Variants in OSBPL5 observed in about 807,000 individuals in gnomAD.
OSBPL5 encodes the protein oxysterol-binding protein-related protein 5.
In OSBPL5, 71 loss-of-function variants were observed where a neutral mutation model predicts 111.2. That is an observed-to-expected ratio of 0.64 (90% CI 0.53 to 0.78). OSBPL5 has a LOEUF of 0.78. Ranked by LOEUF, OSBPL5 falls within the 30% of genes least tolerant of loss-of-function variation. The probability of loss-of-function intolerance (pLI) is 0.00; values close to 1 mark genes in which losing one functional copy is unlikely to be tolerated. For missense variants in OSBPL5, 1,210 were observed against 1,189.3 expected (o/e 1.02, Z -0.26); for synonymous variants, 549 against 513.9 (o/e 1.07, Z -0.93).
At chr11:3,120,139 C>A (rs551704334) in intron 6 of OSBPL5, among the ~76,000 whole-genome samples, 112 of 152,314 alleles carry the variant, frequency 7.4e-4, no homozygotes, top group African/African-American at 2.6e-3. Context: ...TCCTCGGCCA[C>A]CCCTGGGGAG....
intron 1 of OSBPL5, among the ~76,000 whole-genome samples, chr11:3,135,232 C>T (rs533559484): frequency 4.6e-5 from 7 of 152,362 alleles, no homozygotes; most frequent in Admixed American, 3.3e-4. Context: ...GCCGTGCTTC[C>T]GCCAAGGGGA....
At chr11:3,099,898 G>A (rs908225692) in intron 14 of OSBPL5, among the ~76,000 whole-genome samples, 3 of 151,640 alleles carry the variant, frequency 2.0e-5, no homozygotes, top group African/African-American at 4.8e-5. Context: ...GTGAAACCCT[G>A]TCTCTACTAA....
At chr11:3,112,133 G>GTGTGTGTGCATGTGTGTGTGCGCGCGCA (rs1858016985) in intron 7 of OSBPL5, among the ~76,000 whole-genome samples, 1 of 123,516 alleles carries the variant, frequency 8.1e-6, no homozygotes, top group African/African-American at 3.2e-5. Flanking sequence ...GTGCGCATAT[G>GTGTGTGTGCATGTGTGTGTGCGCGCGCA]TGTGTGTTTG....
intron 3 of OSBPL5, among the ~76,000 whole-genome samples, chr11:3,125,086 G>A (rs1289498607): frequency 2.0e-5 from 3 of 152,022 alleles, no homozygotes; most frequent in African/African-American, 7.2e-5. Flanking sequence ...TGGGTACCCC[G>A]TCCAGGCATG....
intron 1 of OSBPL5, among the ~76,000 whole-genome samples, chr11:3,143,738 G>T (rs12288069): frequency 0.031 from 4,764 of 152,318 alleles, 114 homozygotes; most frequent in East Asian, 0.07. Context: ...TGGGGAAAGA[G>T]CATGGGCTTT....
chr11:3,093,559 C>A lies in OSBPL5; in HGVS notation c.1914G>T (p.Pro638=). 2 of 1,611,350 alleles carry A rather than the reference C, an allele frequency of 1.2e-6. No individual in the cohort carries two copies. Among genetic ancestry groups the A allele is most frequent in the East Asian group, 2.2e-5 (1 of 44,866 alleles). The change falls in exon 17 of 22, where the codon CCG becomes CCT. Residue 638 remains proline (P), a synonymous_variant. Coordinates refer to ENST00000263650, the MANE Select transcript of OSBPL5 (RefSeq NM_020896.4). The part of the protein sequence containing the change: ...RRQRLRQHTV[P]LEEQTELESE... The stretch of plus-strand genomic sequence containing the variant: ...ACTCCAGCTCCGTCTGCTCCTCCAG[C>A]GGCACCGTGTGCTGCCTCAGCCTCT...
chr11:3,139,100 A>C (rs1846034112), intron 1 of OSBPL5, among the ~76,000 whole-genome samples: 1 of 152,106 alleles, frequency 6.6e-6, no homozygotes. Flanking sequence ...ACTCTCCCCC[A>C]AAACCCTCCA....
Position 3,135,465 on chromosome 11 carries a change from A to G in OSBPL5, c.-21-6296T>C, listed in dbSNP as rs7924944. ...GGCAGCCAGGCAGAGGCCACTCCTG[A>G]GGCCCTCCTCTGGGCAAGGAGGTGG... On this transcript the variant is annotated intron_variant, in intron 1 of 21. Transcript: ENST00000263650. 9.6e-3 allele frequency among the ~76,000 whole-genome samples: 1,449 copies of G among 151,384 alleles called. 27 individuals are homozygous for G. The highest frequency in any genetic ancestry group is 0.034 in the African/African-American group (1,398 of 40,644).
In OSBPL5 at chr11:3,154,764, C is replaced by T. The variant is rs532203191; in HGVS notation, c.-22+10452G>A. On this transcript the variant is annotated intron_variant, in intron 1 of 21. Coordinates refer to ENST00000263650, the MANE Select transcript of OSBPL5 (RefSeq NM_020896.4). The surrounding 1 kb of genome is among the most constrained non-coding windows in gnomAD (Gnocchi z 4.9). The stretch of plus-strand genomic sequence containing the variant: ...TCTCAGCCCCTAGGACCTGAGAAAG[C>T]GGCTGTACTTGGAGATGGGGTCTTT... Among the ~76,000 whole-genome samples, 119 of 152,228 alleles carry T rather than the reference C, an allele frequency of 7.8e-4. No homozygotes were observed. The highest frequency in any genetic ancestry group is 1.1e-3 in the Non-Finnish European group (78 of 68,026).
In OSBPL5 at chr11:3,106,799, G is replaced by A. The variant is rs1857709810; in HGVS notation, c.1059+464C>T. ...CTGCTGCCCATACACTGGGGGCCCAGAGCCCAGGTCTGTCTCATTCATGGC... is the reference window on the plus strand; with the variant it reads ...CTGCTGCCCATACACTGGGGGCCCAAAGCCCAGGTCTGTCTCATTCATGGC... On this transcript the variant is annotated intron_variant, in intron 9 of 21. Transcript: ENST00000263650. This position sits in a 1 kb window ranked among gnomAD's most constrained non-coding sequence, Gnocchi z 8.4. 6.6e-6 allele frequency among the ~76,000 whole-genome samples: 1 copy of A among 152,184 alleles called. No individual in the cohort carries two copies.
chr11:3,091,948 G>T (rs929374310), intron 19 of OSBPL5, among the ~76,000 whole-genome samples: 1 of 152,120 alleles, frequency 6.6e-6, no homozygotes. Context: ...GTGTGGGTTT[G>T]GCGCCACCTG....
intron 7 of OSBPL5, among the ~76,000 whole-genome samples, chr11:3,112,056 CATGTGT>C (rs1404710439): frequency 2.7e-3 from 88 of 32,044 alleles, no homozygotes; most frequent in South Asian, 5.5e-3. Flanking sequence ...CATGTGTGTG[CATGTGT>C]ATGTGTGTGT....
Position 3,088,150 on chromosome 11 carries a change from T to C in OSBPL5, c.*55A>G. 1 of 1,462,434 alleles carries C rather than the reference T, an allele frequency of 6.8e-7. No individual in the cohort carries two copies. 90.6% of individuals were successfully genotyped at this position (1,462,434 alleles called of 1,614,324 possible). On this transcript the variant is annotated 3_prime_UTR_variant, in exon 22 of 22. Transcript: ENST00000263650. ...CCTCCATGGAGCAGGCTTAAAGTGCTGGGTGCCTGGGAGGGAGGGCTCAGG... is the reference window on the plus strand; with the variant it reads ...CCTCCATGGAGCAGGCTTAAAGTGCCGGGTGCCTGGGAGGGAGGGCTCAGG...
chr11:3,126,385 A>G lies in OSBPL5; in HGVS notation c.219+88T>C. On this transcript the variant is annotated intron_variant, in intron 3 of 21. Transcript: ENST00000263650. This position sits in a 1 kb window ranked among gnomAD's most constrained non-coding sequence, Gnocchi z 6.5. ...AGGCTGGAATGGCAGGCTCAGCTGG[A>G]CGCCCTGCTGTCCTTTTCCCCAGCC... The G allele has an allele frequency of 2.5e-6, 3 of 1,200,576 alleles. No individual in the cohort carries two copies. The South Asian group carries it at 5.0e-5, about 20-fold the overall frequency. The allele number at this position is 1,200,576 out of a possible 1,614,324, so 74.4% of individuals were successfully genotyped here. A position where few individuals can be genotyped will look rare whatever the true frequency, so the allele number is the denominator to read the frequency against.
chr11:3,092,443 G>T lies in OSBPL5; in HGVS notation c.2248C>A (p.Pro750Thr). 4 of 1,580,520 alleles carry T rather than the reference G, an allele frequency of 2.5e-6. No individual in the cohort carries two copies. In the South Asian group the frequency reaches 3.5e-5, roughly 14 times the overall value. ...TGTGGGGTGCTGACCTCGTGCCTGG[G>T]CCCTGGGCTGCCCAGGAAGGTGGTC... The part of the protein sequence containing the change: ...RQTTFLGSPG[P>T]RHERSGPDQR... The change falls in exon 19 of 22, where the codon CCC (proline) becomes ACC (threonine). Residue 750 changes from proline (P) to threonine (T), a missense_variant. By Grantham distance (38) the Pro-to-Thr change is conservative. Coordinates refer to ENST00000263650, the MANE Select transcript of OSBPL5 (RefSeq NM_020896.4). This position sits in a 1 kb window ranked among gnomAD's most constrained non-coding sequence, Gnocchi z 5.4.
chr11:3,119,586 TGGGCAGGGG>T lies in OSBPL5; in HGVS notation c.643_651del (p.Pro215_Pro217del), dbSNP rs1193004253. 6.3e-7 allele frequency: 1 copy of T among 1,577,880 alleles called. No individual in the cohort carries two copies. The highest frequency in any genetic ancestry group is 1.9e-5 in the Admixed American group (1 of 51,866). On this transcript the variant is annotated inframe_deletion, in exon 7 of 22. Transcript: ENST00000263650. ...GCGGCCCTGAAGATCAGGTAGCTGC[TGGGCAGGGG>T]CTGTGTGATGGAGCCCACGCTCTCA...
At chr11:3,108,714 G>A (rs1196321741) in intron 7 of OSBPL5, among the ~76,000 whole-genome samples, 2 of 152,210 alleles carry the variant, frequency 1.3e-5, no homozygotes, top group African/African-American at 2.4e-5. Flanking sequence ...AGCGGCCCCC[G>A]CACTCAGAGG....
At chr11:3,135,077 T>C (rs1240976720) in intron 1 of OSBPL5, among the ~76,000 whole-genome samples, 8 of 152,238 alleles carry the variant, frequency 5.3e-5, no homozygotes, top group Admixed American at 4.6e-4. Flanking sequence ...CCAGCCCCTT[T>C]GTCCAAGAAC....
Position 3,112,480 on chromosome 11 carries a change from T to TTC in OSBPL5, c.692-4536_692-4535insGA, listed in dbSNP as rs1554898480. On this transcript the variant is annotated intron_variant, in intron 7 of 21. Coordinates refer to ENST00000263650, the MANE Select transcript of OSBPL5 (RefSeq NM_020896.4). Reference sequence around the variant, plus strand: ...TAACCTGTTTTGTGTTTTCTTTTCTTTTTTTTTTTTTTTTTGACTAAAGTA... The same window carrying TTC: ...TAACCTGTTTTGTGTTTTCTTTTCTTTCTTTTTTTTTTTTTTTGACTAAAGTA... Among the ~76,000 whole-genome samples the TTC allele has an allele frequency of 5.7e-5, 8 of 139,452 alleles. 1 individual carries two copies. Among genetic ancestry groups the TTC allele is most frequent in the Non-Finnish European group, 1.1e-4 (7 of 65,048 alleles). The allele number at this position is 139,452 out of a possible 152,430, so 91.5% of individuals were successfully genotyped here. A position where few individuals can be genotyped will look rare whatever the true frequency, so the allele number is the denominator to read the frequency against.
Sources: allele counts gnomAD v4.1 joint callset (sites outside exome capture counted in the v4.1 genomes callset), GRCh38; gene constraint gnomAD v4.1.1; non-coding constraint Gnocchi (gnomAD v3.1); transcripts MANE v1.5; gene names NCBI Gene and HGNC (gene_info 2026-07-23, HGNC 2026-07-21).